The following MASTL variants were observed in gnomAD, a reference collection of about 807,000 sequenced individuals.
MASTL encodes serine/threonine-protein kinase greatwall.
Under a neutral mutation model 82.5 loss-of-function variants are expected in MASTL, and 54 were observed. That is an observed-to-expected ratio of 0.65 (90% CI 0.53 to 0.82). The LOEUF (loss-of-function observed/expected upper bound fraction) is 0.82. Among genes scored for constraint, MASTL ranks in the 40% least tolerant of loss-of-function variants. The pLI, the probability that MASTL is intolerant of heterozygous loss-of-function variation, is 0.00. For synonymous variants in MASTL, 323 were observed against 368.9 expected, an observed-to-expected ratio of 0.88 and a Z score of 1.43; for missense variants, 950 against 1,047.8, an observed-to-expected ratio of 0.91 and a Z score of 1.29.
At chr10:27,175,898 A>T (rs1430110630) in intron 9 of MASTL, among the ~76,000 whole-genome samples, 1 of 152,070 alleles carries the variant, frequency 6.6e-6, no homozygotes, top group Non-Finnish European at 1.5e-5. Flanking sequence ...GGAGTTCAAG[A>T]CCAGCCTGGC....
rs1349963205 is a variant in MASTL at position 27,186,519 on chromosome 10, T to G, written c.2623T>G (p.Ser875Ala). 1 of 1,614,032 alleles carries G rather than the reference T, an allele frequency of 6.2e-7. No individual in the cohort carries two copies. The highest frequency in any genetic ancestry group is 1.7e-5 in the Admixed American group (1 of 59,996). ...GAATACTGCTCAGCACCTGACTGTA[T>G]CTGGATTTAGTCTGTAGCACAAAAA... ...ARNTAQHLTV[S>A]GFSL Residue 875 changes from serine to alanine, a missense_variant, in exon 12 of 12, where the codon TCT becomes GCT. Coordinates refer to ENST00000375940, the MANE Select transcript of MASTL (RefSeq NM_001172303.3).
chr10:27,186,645 A>AG lies in MASTL; in HGVS notation c.*110dup. 9.8e-7 allele frequency: 1 copy of AG among 1,022,230 alleles called. No homozygotes were observed. The highest frequency in any genetic ancestry group is 1.5e-6 in the Non-Finnish European group (1 of 647,388). 63.3% of individuals were successfully genotyped at this position (1,022,230 alleles called of 1,614,324 possible). The stretch of plus-strand genomic sequence containing the variant: ...AGGGGGAAAGATCATTATTTAACCT[A>AG]GTTCAATGTGCTTTTAATGTACGTT... On this transcript the variant is annotated 3_prime_UTR_variant, in exon 12 of 12. Transcript: ENST00000375940.
chr10:27,170,458 A>G lies in MASTL; in HGVS notation c.1499A>G (p.Gln500Arg). The change falls in exon 8 of 12, where the codon CAA becomes CGA. Residue 500 changes from glutamine to arginine, a missense_variant. Coordinates refer to ENST00000375940, the MANE Select transcript of MASTL (RefSeq NM_001172303.3). ...AAGCTATCAGTGCACAAAAGTCAAC[A>G]AAATGACTGTGCTAATAAGGAGAAC... is the stretch of plus-strand genomic sequence containing the variant. ...DLKLSVHKSQ[Q>R]NDCANKENIV... The G allele has an allele frequency of 6.2e-7, 1 of 1,614,188 alleles. No homozygotes were observed. The highest frequency in any genetic ancestry group is 2.2e-5 in the East Asian group (1 of 44,866).
chr10:27,171,824 TC>T (rs1207781969), intron 8 of MASTL, among the ~76,000 whole-genome samples: 2 of 113,002 alleles, frequency 1.8e-5, no homozygotes, highest in African/African-American at 6.9e-5. Flanking sequence ...AAAATATGTT[TC>T]TTTTTTTTTT....
chr10:27,178,673 AT>A (rs558936982), intron 9 of MASTL, among the ~76,000 whole-genome samples: 14,202 of 142,816 alleles, frequency 0.099, 644 homozygotes, highest in South Asian at 0.12. Context: ...GAAATCATGT[AT>A]TTTTTTTTTT....
upstream of MASTL, chr10:27,154,514 G>A (rs984468681): frequency 2.1e-6 from 1 of 483,264 alleles, no homozygotes; most frequent in African/African-American, 2.0e-5. Flanking sequence ...CGCCCCCAAA[G>A]GTCTTTAGCT....
rs572511325 is a variant in MASTL at position 27,181,242 on chromosome 10, T to C, written c.2380+176T>C. On this transcript the variant is annotated intron_variant, in intron 10 of 11. Coordinates refer to ENST00000375940, the MANE Select transcript of MASTL (RefSeq NM_001172303.3). ...TCTACTAAAAAAAAAATACAAAAAA[T>C]TAGCCAGGCATGTTGACGGGCGCCT... Among the ~76,000 whole-genome samples, 10 of 151,878 alleles carry C rather than the reference T, an allele frequency of 6.6e-5. No homozygotes were observed. The South Asian group carries it at 2.1e-3, about 32-fold the overall frequency.
chr10:27,185,154 G>GT (rs1271071015), intron 11 of MASTL, among the ~76,000 whole-genome samples: 1 of 152,164 alleles, frequency 6.6e-6, no homozygotes, highest in Non-Finnish European at 1.5e-5. Flanking sequence ...GGAGAAGGGG[G>GT]TGAGCTTCAT....
In MASTL at chr10:27,170,912, T is replaced by C; in HGVS notation, c.1953T>C (p.Asn651=). 6.2e-7 allele frequency: 1 copy of C among 1,614,116 alleles called. No homozygotes were observed. The highest frequency in any genetic ancestry group is 8.5e-7 in the Non-Finnish European group (1 of 1,179,978). Residue 651 remains asparagine, a synonymous_variant, in exon 8 of 12, where the codon AAT becomes AAC. Transcript: ENST00000375940. ...EVLKTLASKR[N]AVAFRSFNSH... ...TGAAAACGTTAGCCTCTAAAAGAAA[T>C]GCTGTTGCTTTTCGAAGTTTTAACA...
In MASTL at chr10:27,187,728, G is replaced by A. The variant is rs1317645216; in HGVS notation, c.*1192G>A. 6.7e-6 allele frequency among the ~76,000 whole-genome samples: 1 copy of A among 149,176 alleles called. No individual in the cohort carries two copies. Among genetic ancestry groups the A allele is most frequent in the Non-Finnish European group, 1.5e-5 (1 of 67,572 alleles). On this transcript the variant is annotated 3_prime_UTR_variant, in exon 12 of 12. Transcript: ENST00000375940. ...GATCACATCACTGCATTTCAGCCTG[G>A]GCAACAGAATGAGACTCAGTCTCAA... is the stretch of plus-strand genomic sequence containing the variant.
chr10:27,172,997 A>G (rs565697457), intron 8 of MASTL, 121 bp from the exon 9 acceptor site: 2 of 1,133,644 alleles, frequency 1.8e-6, no homozygotes, highest in Non-Finnish European at 2.5e-6. Flanking sequence ...CAAAAATTTG[A>G]CTACATCCTT....
intron 1 of MASTL, among the ~76,000 whole-genome samples, chr10:27,157,146 G>T (rs962062540): frequency 2.0e-5 from 3 of 152,054 alleles, no homozygotes; most frequent in Non-Finnish European, 2.9e-5. Flanking sequence ...ACCCTTTTGT[G>T]CTCTTCTCCA....
At chr10:27,178,158 G>A (rs1356674311) in intron 9 of MASTL, among the ~76,000 whole-genome samples, 9 of 152,148 alleles carry the variant, frequency 5.9e-5, no homozygotes, top group African/African-American at 1.4e-4. Flanking sequence ...TTGGGAGGCC[G>A]AGTCAGGCAG....
At position 27,170,072 on chromosome 10, in the gene MASTL, C is replaced by T. The variant is rs766857379; in HGVS notation, c.1113C>T (p.Pro371=). The T allele has an allele frequency of 6.2e-7, 1 of 1,614,186 alleles. No homozygotes were observed. Among genetic ancestry groups the T allele is most frequent in the South Asian group, 1.1e-5 (1 of 91,090 alleles). Residue 371 remains proline, a synonymous_variant, in exon 8 of 12, where the codon CCC becomes CCT. Coordinates refer to ENST00000375940, the MANE Select transcript of MASTL (RefSeq NM_001172303.3). ...AGGATCTGGAGTTAGCTCTTTCTCC[C>T]ATTCATAACAGCAGTGCCCTTCCCA... The part of the protein sequence containing the change: ...NKKDLELALS[P]IHNSSALPTT...
chr10:27,159,792 A>T lies in MASTL; in HGVS notation c.464+34A>T. The T allele has an allele frequency of 6.4e-7, 1 of 1,564,162 alleles. No homozygotes were observed. The highest frequency in any genetic ancestry group is 1.1e-5 in the South Asian group (1 of 89,974). On this transcript the variant is annotated intron_variant, in intron 3 of 11. Coordinates refer to ENST00000375940, the MANE Select transcript of MASTL (RefSeq NM_001172303.3). The surrounding 1 kb of genome is among the most constrained non-coding windows in gnomAD (Gnocchi z 4.0). ...TGACTTCTCCAAATTATTACTTAAA[A>T]ATTCAAGTAATCAAATTACATATTT...
At chr10:27,178,042 G>A (rs1292938173) in intron 9 of MASTL, among the ~76,000 whole-genome samples, 1 of 152,120 alleles carries the variant, frequency 6.6e-6, no homozygotes, top group African/African-American at 2.4e-5. Flanking sequence ...TTTAAAGGTA[G>A]CACAGAGTGA....
chr10:27,178,950 C>T (rs1358451866), intron 9 of MASTL, among the ~76,000 whole-genome samples: 1 of 152,056 alleles, frequency 6.6e-6, no homozygotes, highest in Non-Finnish European at 1.5e-5. Flanking sequence ...GATTATATGG[C>T]TCGCAGGTAA....
At chr10:27,163,946 T>TATTC (rs71836132) in intron 4 of MASTL, among the ~76,000 whole-genome samples, 1 of 151,788 alleles carries the variant, frequency 6.6e-6, no homozygotes, top group Non-Finnish European at 1.5e-5. Context: ...TTCATTTATT[T>TATTC]ATTTTGAGAG....
chr10:27,166,958 C>T, intron 6 of MASTL, 144 bp from the exon 7 acceptor site: 1 of 670,352 alleles, frequency 1.5e-6, no homozygotes, highest in Non-Finnish European at 2.6e-6. Context: ...ATAGTGTTTA[C>T]AAAGAAATAG....
Sources: gnomAD v4.1 joint callset for allele counts (sites outside exome capture counted in the v4.1 genomes callset) on GRCh38, gnomAD v4.1.1 for gene constraint, Gnocchi (gnomAD v3.1) non-coding constraint, MANE v1.5 for transcripts, NCBI Gene and HGNC (gene_info 2026-07-23, HGNC 2026-07-21) for gene names.